CMYA5: variants seen among roughly 807,000 people sequenced by gnomAD.
CMYA5 encodes cardiomyopathy-associated protein 5.
Under a neutral mutation model 318.9 loss-of-function variants are expected in CMYA5, and 246 were observed. That is an observed-to-expected ratio of 0.77 (90% CI 0.70 to 0.86). The LOEUF is 0.86. Among genes scored for constraint, CMYA5 ranks in the 40% least tolerant of loss-of-function variants. The pLI, the probability that CMYA5 is intolerant of heterozygous loss-of-function variation, is 0.00. For synonymous variants in CMYA5, 1,641 were observed against 1,729.5 expected (o/e 0.95, Z 1.27); for missense variants, 4,589 against 4,678.2 (o/e 0.98, Z 0.56).
chr5:79,756,924 G>C (rs1828540610), intron 6 of CMYA5, among the ~76,000 whole-genome samples: 1 of 152,076 alleles, frequency 6.6e-6, no homozygotes, highest in Middle Eastern at 3.2e-3. Flanking sequence ...AGGTGCAGTG[G>C]CTCATGCCTG....
At position 79,755,081 on chromosome 5, in the gene CMYA5, C is replaced by T. The variant is rs7713713; in HGVS notation, c.11110+2287C>T. 4.8e-3 allele frequency among the ~76,000 whole-genome samples: 725 copies of T among 152,194 alleles called. 6 individuals carry two copies. The highest frequency in any genetic ancestry group is 0.015 in the African/African-American group (629 of 41,510). On this transcript the variant is annotated intron_variant, in intron 6 of 12. Coordinates refer to ENST00000446378, the MANE Select transcript of CMYA5 (RefSeq NM_153610.5). The stretch of plus-strand genomic sequence containing the variant: ...TTGGCTATTGTGAATAATGCTGCTC[C>T]CCTGAGGACGTTCCAAAGGCCAGGT...
chr5:79,788,841 T>G (rs1829124685), intron 9 of CMYA5, 130 bp from the exon 10 acceptor site: 5 of 874,106 alleles, frequency 5.7e-6, no homozygotes, highest in Non-Finnish European at 8.6e-6. Context: ...GCTAATCCAG[T>G]GGTCATAAAA....
intron 1 of CMYA5, among the ~76,000 whole-genome samples, chr5:79,705,226 C>T (rs563495885): frequency 2.0e-5 from 3 of 152,120 alleles, no homozygotes; most frequent in Admixed American, 6.5e-5. Flanking sequence ...GAGGCGAGAT[C>T]GTGCCACTGC....
intron 1 of CMYA5, among the ~76,000 whole-genome samples, chr5:79,709,292 A>G (rs1413175223): frequency 3.3e-5 from 5 of 152,224 alleles, no homozygotes; most frequent in Admixed American, 3.3e-4. Flanking sequence ...TCTAAGAAAA[A>G]AAAATGTGCT....
In CMYA5 at chr5:79,743,924, T is replaced by C; in HGVS notation, c.10734+2T>C. The stretch of plus-strand genomic sequence containing the variant: ...GAATCCTTTTTTAATACCATTGAGG[T>C]AAGTTAACACACCCATTTTACCTTA... On this transcript the variant is annotated splice_donor_variant, in intron 3 of 12. Transcript: ENST00000446378. LOFTEE classifies it high-confidence loss of function. 1 of 1,465,606 alleles carries C rather than the reference T, an allele frequency of 6.8e-7. No individual in the cohort carries two copies. The highest frequency in any genetic ancestry group is 1.3e-5 in the South Asian group (1 of 79,090). The allele number at this position is 1,465,606 out of a possible 1,614,324, so 90.8% of individuals were successfully genotyped here. A position where few individuals can be genotyped will look rare whatever the true frequency, so the allele number is the denominator to read the frequency against.
rs1561208578 is a variant in CMYA5 at position 79,733,041 on chromosome 5, C to T, written c.4276C>T (p.Pro1426Ser). ...CAAGGTGGCAATTAAAGGTGCTTCT[C>T]CCATTGAAACTTCATCCAAACATTT... ...EDKVAIKGAS[P>S]IETSSKHLAW... The change falls in exon 2 of 13, where the codon CCC (proline) becomes TCC (serine). Residue 1426 changes from proline to serine, a missense_variant. Coordinates refer to ENST00000446378, the MANE Select transcript of CMYA5 (RefSeq NM_153610.5). The T allele has an allele frequency of 1.2e-6, 2 of 1,613,324 alleles. No individual in the cohort carries two copies. Among genetic ancestry groups the T allele is most frequent in the Non-Finnish European group, 1.7e-6 (2 of 1,179,626 alleles).
chr5:79,732,076 C>T lies in CMYA5; in HGVS notation c.3311C>T (p.Ser1104Phe), dbSNP rs779864661. 22 of 1,613,868 alleles carry T rather than the reference C, an allele frequency of 1.4e-5. No individual in the cohort carries two copies. The South Asian group carries it at 2.3e-4, about 17-fold the overall frequency. The part of the protein sequence containing the change: ...PEIPTTSTSV[S>F]EYLILAQKQK... ...ATTCCAACAACCTCAACATCTGTATCTGAATATCTCATTTTGGCACAGAAG... is the reference window on the plus strand; with the variant it reads ...ATTCCAACAACCTCAACATCTGTATTTGAATATCTCATTTTGGCACAGAAG... The change falls in exon 2 of 13, where the codon TCT (serine) becomes TTT (phenylalanine). Residue 1104 changes from serine to phenylalanine, a missense_variant. This residue lies in a region of CMYA5 where 2,132 missense variants were observed against 2,131.3 expected (regional missense o/e 1.00). Transcript: ENST00000446378.
intron 12 of CMYA5, among the ~76,000 whole-genome samples, chr5:79,798,602 G>A (rs1416795777): frequency 6.6e-6 from 1 of 152,160 alleles, no homozygotes; most frequent in Non-Finnish European, 1.5e-5. Context: ...CCCAGCCGTG[G>A]TCCGAGTTTC....
intron 1 of CMYA5, among the ~76,000 whole-genome samples, chr5:79,693,824 C>T (rs1281781171): frequency 6.6e-6 from 1 of 152,202 alleles, no homozygotes; most frequent in Non-Finnish European, 1.5e-5. Context: ...CCTGCTAAAA[C>T]TCACTCCAGT....
chr5:79,769,442 C>T (rs905022697), intron 9 of CMYA5, among the ~76,000 whole-genome samples: 3 of 152,068 alleles, frequency 2.0e-5, no homozygotes, highest in African/African-American at 2.4e-5. Context: ...GATTTATCTA[C>T]CTTTCGTCTT....
chr5:79,758,690 A>G, intron 6 of CMYA5, 63 bp from the exon 7 acceptor site: 1 of 1,389,354 alleles, frequency 7.2e-7, no homozygotes, highest in South Asian at 1.6e-5. Context: ...AAGCATAAGT[A>G]ACTTGTGCCC....
At chr5:79,775,292 G>A (rs1828919392) in intron 9 of CMYA5, among the ~76,000 whole-genome samples, 1 of 152,176 alleles carries the variant, frequency 6.6e-6, no homozygotes, top group Non-Finnish European at 1.5e-5. Context: ...TAGTTGTACA[G>A]TAAAACCTCA....
rs750937557 is a variant in CMYA5 at position 79,734,662 on chromosome 5, A to T, written c.5897A>T (p.Asp1966Val). 2.5e-6 allele frequency: 4 copies of T among 1,613,746 alleles called. No individual in the cohort carries two copies. In the African/African-American group the frequency reaches 5.3e-5, roughly 22 times the overall value. ...LSSQEAVSAL[D>V]TSSGNTETLS... is the part of the protein sequence containing the mutation. ...TCACAAGAAGCAGTATCTGCTCTTG[A>T]TACTTCCAGTGGTAATACAGAGACC... is the stretch of plus-strand genomic sequence containing the variant. Residue 1966 changes from aspartate (D) to valine (V), a missense_variant, in exon 2 of 13, where the codon GAT becomes GTT. By Grantham distance (152) the Asp-to-Val change is radical. This residue lies in a region of CMYA5 where 2,431 missense variants were observed against 2,495.1 expected (regional missense o/e 0.97). Coordinates refer to ENST00000446378, the MANE Select transcript of CMYA5 (RefSeq NM_153610.5).
At chr5:79,744,726 A>G (rs148573525) in intron 3 of CMYA5, among the ~76,000 whole-genome samples, 1 of 152,194 alleles carries the variant, frequency 6.6e-6, no homozygotes, top group South Asian at 2.1e-4. Context: ...GAGGATAGCC[A>G]GGCATCTGGA....
At chr5:79,796,640 T>G (rs1026877539) in intron 12 of CMYA5, among the ~76,000 whole-genome samples, 1 of 152,248 alleles carries the variant, frequency 6.6e-6, no homozygotes, top group Admixed American at 6.5e-5. Flanking sequence ...CCTCAAGGTA[T>G]CTGCCTGCCT....
At chr5:79,742,978 A>G (rs984023724) in intron 2 of CMYA5, among the ~76,000 whole-genome samples, 1 of 152,154 alleles carries the variant, frequency 6.6e-6, no homozygotes, top group African/African-American at 2.4e-5. Flanking sequence ...AGAGCCAAGG[A>G]ATACCATATG....
At chr5:79,786,786 AC>A (rs1338394869) in intron 9 of CMYA5, among the ~76,000 whole-genome samples, 1 of 152,156 alleles carries the variant, frequency 6.6e-6, no homozygotes, top group Non-Finnish European at 1.5e-5. Flanking sequence ...ATTTGTTCTA[AC>A]CTTTTTTGCT....
At chr5:79,789,230 A>C (rs1216735757) in intron 10 of CMYA5, 126 bp downstream of exon 10, 1 of 1,074,932 alleles carries the variant, frequency 9.3e-7, no homozygotes, top group African/African-American at 1.6e-5. Flanking sequence ...GGTTTTTGTC[A>C]TGAGGACCCA....
Position 79,747,125 on chromosome 5 carries a change from A to C in CMYA5, c.10991+12A>C. The C allele has an allele frequency of 6.5e-7, 1 of 1,547,754 alleles. No individual in the cohort carries two copies. Among genetic ancestry groups the C allele is most frequent in the Non-Finnish European group, 8.7e-7 (1 of 1,144,950 alleles). ...GAAATCAATGAAAGGTATATAAAACATGATACAATGTAGTGGCAAACAGCA... is the reference window on the plus strand; with the variant it reads ...GAAATCAATGAAAGGTATATAAAACCTGATACAATGTAGTGGCAAACAGCA... On this transcript the variant is annotated intron_variant, in intron 5 of 12. Transcript: ENST00000446378.
Sources: gnomAD v4.1 joint callset for allele counts (sites outside exome capture counted in the v4.1 genomes callset) on GRCh38, gnomAD v4.1.1 for gene constraint, gnomAD v4.1.1 regional missense constraint, MANE v1.5 for transcripts, NCBI Gene and HGNC (gene_info 2026-07-23, HGNC 2026-07-21) for gene names.